SIDT1: variants seen among roughly 807,000 people sequenced by gnomAD.
The protein encoded by SIDT1 is SID1 transmembrane family, member 1.
SIDT1 carries 101 observed loss-of-function variants against 107.5 expected under a neutral mutation model. The observed-to-expected ratio is 0.94, with a 90% confidence interval of 0.80 to 1.11. The LOEUF (loss-of-function observed/expected upper bound fraction) is 1.11. Among genes scored for constraint, SIDT1 ranks in the 50% least tolerant of loss-of-function variants. The pLI is 0.00. For synonymous variants in SIDT1, 395 were observed against 398.2 expected, an observed-to-expected ratio of 0.99 and a Z score of 0.10; for missense variants, 1,076 against 1,058.2, an observed-to-expected ratio of 1.02 and a Z score of -0.23.
intron 1 of SIDT1, among the ~76,000 whole-genome samples, chr3:113,563,127 A>G (rs1435264427): frequency 6.6e-6 from 1 of 152,240 alleles, no homozygotes; most frequent in East Asian, 1.9e-4. Flanking sequence ...GTAATTGGAC[A>G]TGACAAGACA....
At chr3:113,599,046 C>T (rs778249863) in intron 10 of SIDT1, among the ~76,000 whole-genome samples, 1 of 152,222 alleles carries the variant, frequency 6.6e-6, no homozygotes, top group African/African-American at 2.4e-5. Context: ...AGGAGGATCG[C>T]CTGAACCCGG....
rs77057901 is a variant in SIDT1 at position 113,538,830 on chromosome 3, C to T, written c.222+5587C>T. On this transcript the variant is annotated intron_variant, in intron 1 of 24. Transcript: ENST00000264852. The stretch of plus-strand genomic sequence containing the variant: ...AGAAAGGGGAAAGGCATTTCAGATA[C>T]GGAAAAATATATCCAATTTATGTTT... 3.0e-3 allele frequency among the ~76,000 whole-genome samples: 451 copies of T among 152,166 alleles called. 1 individual carries two copies. Among genetic ancestry groups the T allele is most frequent in the East Asian group, 0.015 (80 of 5,178 alleles).
intron 1 of SIDT1, among the ~76,000 whole-genome samples, chr3:113,557,288 G>T (rs1407932503): frequency 6.6e-6 from 1 of 152,192 alleles, no homozygotes; most frequent in Non-Finnish European, 1.5e-5. Flanking sequence ...ATGAGTCATT[G>T]CTTTAAAATC....
At chr3:113,595,052 A>G (rs1042485755) in intron 10 of SIDT1, 18 of 154,096 alleles carry the variant, frequency 1.2e-4, no homozygotes, top group African/African-American at 4.3e-4. Flanking sequence ...TTGTTAAACC[A>G]GTCACTGCAA....
intron 14 of SIDT1, chr3:113,606,418 T>TA (rs1173621767): frequency 1.3e-5 from 2 of 152,264 alleles, no homozygotes; most frequent in South Asian, 2.1e-4. Context: ...GTTTGTGTGT[T>TA]AATGATCTAA....
intron 14 of SIDT1, 42 bp from the exon 15 acceptor site, chr3:113,606,999 G>C (rs77485595): frequency 3.1e-6 from 4 of 1,284,852 alleles, no homozygotes; most frequent in Non-Finnish European, 4.5e-6. Context: ...CTCAGAGGAC[G>C]GAGGAAAACC....
chr3:113,616,177 G>GT lies in SIDT1; in HGVS notation c.2043+2dup, dbSNP rs1233067995. The GT allele has an allele frequency of 1.2e-6, 2 of 1,606,936 alleles. No homozygotes were observed. The highest frequency in any genetic ancestry group is 8.5e-7 in the Non-Finnish European group (1 of 1,173,488). Reference sequence around the variant, plus strand: ...GCAGTGTAGCCGACCTCTATATATGGTATGTGCATGTTCCTGTGTTCTTTG... The same window carrying GT: ...GCAGTGTAGCCGACCTCTATATATGGTTATGTGCATGTTCCTGTGTTCTTTG... On this transcript the variant is annotated splice_donor_variant, in intron 20 of 24. Coordinates refer to ENST00000264852, the MANE Select transcript of SIDT1 (RefSeq NM_017699.3). LOFTEE classifies it high-confidence loss of function.
intron 9 of SIDT1, 50 bp downstream of exon 9, chr3:113,585,320 T>A: frequency 7.4e-7 from 1 of 1,354,706 alleles, no homozygotes; most frequent in Non-Finnish European, 1.1e-6. Context: ...TGTCTCTGTG[T>A]AACGCTTGCA....
chr3:113,554,001 C>T (rs1940568250), intron 1 of SIDT1, among the ~76,000 whole-genome samples: 1 of 152,130 alleles, frequency 6.6e-6, no homozygotes, highest in African/African-American at 2.4e-5. Flanking sequence ...GAGCTGAGAT[C>T]ATGCCATTGA....
At chr3:113,630,869 C>G (rs1947087781), downstream of SIDT1, among the ~76,000 whole-genome samples, 2 of 152,144 alleles carry the variant, frequency 1.3e-5, no homozygotes, top group Admixed American at 1.3e-4. Flanking sequence ...GATCCATCAG[C>G]CAGTCTGGGA....
At chr3:113,565,889 C>A (rs145957506) in intron 1 of SIDT1, among the ~76,000 whole-genome samples, 1 of 152,208 alleles carries the variant, frequency 6.6e-6, no homozygotes, top group East Asian at 1.9e-4. Context: ...AGTTTTTCAG[C>A]AATTGAAGTT....
At chr3:113,571,276 G>C (rs1335594354) in intron 3 of SIDT1, among the ~76,000 whole-genome samples, 2 of 152,018 alleles carry the variant, frequency 1.3e-5, no homozygotes, top group Non-Finnish European at 2.9e-5. Context: ...AAATTAGCCA[G>C]ACATGATGGT....
Position 113,601,857 on chromosome 3 carries a change from G to A in SIDT1, c.1117+198G>A. 4 of 507,338 alleles carry A rather than the reference G, an allele frequency of 7.9e-6. No homozygotes were observed. In the South Asian group the frequency reaches 1.1e-4, roughly 14 times the overall value. The allele number at this position is 507,338 out of a possible 1,614,324, so 31.4% of individuals were successfully genotyped here. On this transcript the variant is annotated intron_variant, in intron 11 of 24. Transcript: ENST00000264852. ...TAACTTTCTCCAGTTCTGTTGTTCT[G>A]TTTCTTGGATCTGCTAGCCCCACTT...
At chr3:113,603,807 A>G (rs1450988224) in intron 12 of SIDT1, among the ~76,000 whole-genome samples, 153 bp from the exon 13 acceptor site, 3 of 152,244 alleles carry the variant, frequency 2.0e-5, no homozygotes, top group African/African-American at 7.2e-5. Context: ...AATTTGATTT[A>G]CTTAATCAAA....
At chr3:113,558,746 G>A (rs976498947) in intron 1 of SIDT1, among the ~76,000 whole-genome samples, 1 of 152,274 alleles carries the variant, frequency 6.6e-6, no homozygotes, top group African/African-American at 2.4e-5. Flanking sequence ...TCCAACCCAG[G>A]AGACTTGTGT....
chr3:113,607,590 A>G (rs1291687784), intron 15 of SIDT1, among the ~76,000 whole-genome samples: 1 of 152,282 alleles, frequency 6.6e-6, no homozygotes, highest in East Asian at 1.9e-4. Flanking sequence ...ACGTGGAAGA[A>G]GCATTGCCTG....
At chr3:113,605,122 C>CTCTTT in intron 14 of SIDT1, 146 bp downstream of exon 14, 2 of 307,000 alleles carry the variant, frequency 6.5e-6, no homozygotes, top group African/African-American at 8.0e-5. Context: ...CTATTGCTTC[C>CTCTTT]TCTTTTTTTT....
At chr3:113,548,309 ATGT>A (rs946641202) in intron 1 of SIDT1, among the ~76,000 whole-genome samples, 5 of 152,090 alleles carry the variant, frequency 3.3e-5, no homozygotes, top group African/African-American at 1.2e-4. Context: ...GAAATACATA[ATGT>A]TGTGTATCCA....
intron 4 of SIDT1, among the ~76,000 whole-genome samples, chr3:113,578,005 T>C (rs1448015439): frequency 6.6e-6 from 1 of 152,204 alleles, no homozygotes; most frequent in East Asian, 1.9e-4. Flanking sequence ...AATCCACTTT[T>C]AAACTTCCTG....
Sources: allele counts gnomAD v4.1 joint callset (sites outside exome capture counted in the v4.1 genomes callset), GRCh38; gene constraint gnomAD v4.1.1; transcripts MANE v1.5; gene names NCBI Gene and HGNC (gene_info 2026-07-23, HGNC 2026-07-21).